The following ZNF254 variants were observed in gnomAD, a reference collection of about 807,000 sequenced individuals.
ZNF254 encodes CTD-2017D11.1.
ZNF254 carries 10 observed loss-of-function variants against 12.4 expected under a neutral mutation model. The observed-to-expected ratio is 0.80, with a 90% confidence interval of 0.50 to 1.36. ZNF254 has a LOEUF of 1.36. Ranked by LOEUF, ZNF254 falls within the 40% of genes most tolerant of loss-of-function variation. The pLI is 0.00. For synonymous variants in ZNF254, 305 were observed against 253.4 expected (o/e 1.20, Z -1.93); for missense variants, 996 against 763.9 (o/e 1.30, Z -3.58).
intron 2 of ZNF254, among the ~76,000 whole-genome samples, chr19:24,050,238 C>T (rs1970594542): frequency 6.6e-6 from 1 of 152,088 alleles, no homozygotes; most frequent in African/African-American, 2.4e-5. Context: ...CTGCTCACTT[C>T]AACCTTTGCC....
chr19:24,117,420 C>T (rs554534125), intron 3 of ZNF254, among the ~76,000 whole-genome samples: 25 of 152,270 alleles, frequency 1.6e-4, no homozygotes, highest in Admixed American at 4.6e-4. Context: ...CCCCCAGCCT[C>T]GCTGCTGCCT....
chr19:24,044,065 C>T (rs1382019256), intron 1 of ZNF254, among the ~76,000 whole-genome samples: 2 of 151,242 alleles, frequency 1.3e-5, no homozygotes, highest in Non-Finnish European at 2.9e-5. Flanking sequence ...ATGGTGAAAC[C>T]CCATCTCTAC....
At chr19:24,106,392 A>G (rs1221498783) in intron 2 of ZNF254, 156 bp from the exon 3 acceptor site, 3 of 604,578 alleles carry the variant, frequency 5.0e-6, no homozygotes, top group Non-Finnish European at 7.3e-6. Flanking sequence ...TAAAAAATTA[A>G]AATATTTCCT....
At chr19:24,093,959 A>G (rs958948689) in intron 1 of ZNF254, among the ~76,000 whole-genome samples, 2 of 152,070 alleles carry the variant, frequency 1.3e-5, no homozygotes, top group Non-Finnish European at 2.9e-5. Context: ...GACTTCTTTA[A>G]GCATTGTTTT....
Position 24,109,874 on chromosome 19 carries a change from A to G in ZNF254, c.253+3231A>G, listed in dbSNP as rs1417372282. Among the ~76,000 whole-genome samples the G allele has an allele frequency of 2.7e-5, 4 of 149,892 alleles. 1 individual carries two copies. The highest frequency in any genetic ancestry group is 2.0e-4 in the Admixed American group (3 of 15,062). The stretch of plus-strand genomic sequence containing the variant: ...GTAGCTGGGATTACAGGCATGTGCC[A>G]CCATCCCAGGCTAATTTTGTATTTT... On this transcript the variant is annotated intron_variant, in intron 3 of 3. Coordinates refer to ENST00000357002, the MANE Select transcript of ZNF254 (RefSeq NM_203282.4).
intron 2 of ZNF254, among the ~76,000 whole-genome samples, chr19:24,078,298 A>G (rs1971731437): frequency 6.6e-6 from 1 of 152,176 alleles, no homozygotes; most frequent in Non-Finnish European, 1.5e-5. Flanking sequence ...TCGGCCTCCC[A>G]AAGTGCTGGG....
At chr19:24,099,568 T>A (rs1357683704) in intron 1 of ZNF254, among the ~76,000 whole-genome samples, 1 of 152,186 alleles carries the variant, frequency 6.6e-6, no homozygotes, top group Non-Finnish European at 1.5e-5. Flanking sequence ...AGAGTGAAAG[T>A]CTACCTTAAG....
chr19:24,102,056 A>G (rs1486726635), intron 1 of ZNF254, among the ~76,000 whole-genome samples: 2 of 152,162 alleles, frequency 1.3e-5, no homozygotes, highest in Non-Finnish European at 2.9e-5. Context: ...CATGGTCCCT[A>G]CCATGCAGGA....
chr19:24,080,828 C>T (rs562271673), intron 2 of ZNF254, among the ~76,000 whole-genome samples: 2 of 148,462 alleles, frequency 1.3e-5, no homozygotes, highest in Non-Finnish European at 3.0e-5. Flanking sequence ...TTGCCTCATG[C>T]CTGTAATCCC....
At chr19:24,118,402 G>A (rs1340336277) in intron 3 of ZNF254, among the ~76,000 whole-genome samples, 1 of 152,048 alleles carries the variant, frequency 6.6e-6, no homozygotes, top group African/African-American at 2.4e-5. Context: ...AAAATTGATA[G>A]TGGTCATTTA....
At chr19:24,101,072 C>T (rs1469953532) in intron 1 of ZNF254, among the ~76,000 whole-genome samples, 2 of 152,116 alleles carry the variant, frequency 1.3e-5, no homozygotes, top group Non-Finnish European at 2.9e-5. Context: ...GGTGATCCTT[C>T]GACCTCAGGG....
At chr19:24,115,830 G>T (rs937942044) in intron 3 of ZNF254, among the ~76,000 whole-genome samples, 8 of 152,126 alleles carry the variant, frequency 5.3e-5, no homozygotes, top group Non-Finnish European at 7.3e-5. Flanking sequence ...GCAGTGGCTG[G>T]TACCGGTTGT....
intron 1 of ZNF254, among the ~76,000 whole-genome samples, chr19:24,102,013 T>A (rs1973061160): frequency 5.3e-5 from 8 of 152,206 alleles, no homozygotes. Context: ...TGCTTCTATT[T>A]CATATAGTCA....
chr19:24,112,400 T>G lies in ZNF254; in HGVS notation c.253+5757T>G, dbSNP rs1973742531. 1.4e-5 allele frequency among the ~76,000 whole-genome samples: 2 copies of G among 146,516 alleles called. 1 individual carries two copies. The highest frequency in any genetic ancestry group is 1.4e-4 in the Admixed American group (2 of 14,650). On this transcript the variant is annotated intron_variant, in intron 3 of 3. Transcript: ENST00000357002. The stretch of plus-strand genomic sequence containing the variant: ...AGGTAGCATGATGCCTCCAGCTTTG[T>G]TCTTTTGGCTTAGGAGTGACTTGGT...
At chr19:24,115,462 G>A (rs1223311071) in intron 3 of ZNF254, among the ~76,000 whole-genome samples, 1 of 151,170 alleles carries the variant, frequency 6.6e-6, no homozygotes, top group East Asian at 1.9e-4. Context: ...ACTCATGGGG[G>A]GAATTGAACA....
intron 2 of ZNF254, among the ~76,000 whole-genome samples, chr19:24,081,910 G>A (rs1971857208): frequency 6.6e-6 from 1 of 152,140 alleles, no homozygotes; most frequent in African/African-American, 2.4e-5. Context: ...ATCACCTGAG[G>A]TCAGGAGTTC....
intron 3 of ZNF254, among the ~76,000 whole-genome samples, chr19:24,117,420 C>G (rs554534125): frequency 7.2e-5 from 11 of 152,152 alleles, no homozygotes; most frequent in East Asian, 5.8e-4. Context: ...CCCCCAGCCT[C>G]GCTGCTGCCT....
chr19:24,106,985 T>C (rs1412195294), intron 3 of ZNF254: 5 of 443,018 alleles, frequency 1.1e-5, no homozygotes, highest in African/African-American at 6.2e-5. Context: ...TGTTAAACTG[T>C]TTTTTAAGTT....
rs535485865 is a variant in ZNF254, at chr19:24,129,257, C to G, written c.*1277C>G. 1 of 152,028 alleles carries G rather than the reference C, an allele frequency of 6.6e-6. No homozygotes were observed. The highest frequency in any genetic ancestry group is 2.4e-5 in the African/African-American group (1 of 41,526). The allele number at this position is 152,028 out of a possible 1,614,324, so 9.4% of individuals were successfully genotyped here. On this transcript the variant is annotated 3_prime_UTR_variant, in exon 4 of 4. Transcript: ENST00000357002. ...ATATGTTATTTTATTAATTGTACTT[C>G]TATGAAATAATATGCAGTCTATTTT... is the stretch of plus-strand genomic sequence containing the variant.
Sources: allele counts gnomAD v4.1 joint callset (sites outside exome capture counted in the v4.1 genomes callset), GRCh38; gene constraint gnomAD v4.1.1; transcripts MANE v1.5; gene names NCBI Gene and HGNC (gene_info 2026-07-23, HGNC 2026-07-21).